The following SPINDOC variants were observed in gnomAD, a reference collection of about 807,000 sequenced individuals.
SPINDOC encodes spindlin interactor and repressor of chromatin binding, also known as spindlin interactor and repressor of chromatin-binding protein.
Under a neutral mutation model 30.7 loss-of-function variants are expected in SPINDOC, and 13 were observed. The observed-to-expected ratio is 0.42, with a 90% CI of 0.28 to 0.67. SPINDOC has a LOEUF of 0.67. SPINDOC is among the 30% of genes least tolerant of loss of function. The pLI, the probability that SPINDOC is intolerant of heterozygous loss-of-function variation, is 0.22. For missense variants in SPINDOC, 438 were observed against 518.0 expected, an observed-to-expected ratio of 0.85 and a Z score of 1.50; for synonymous variants, 228 against 211.4, an observed-to-expected ratio of 1.08 and a Z score of -0.68.
At chr11:63,822,356 TAAAAAAAAAAA>T (rs753315518) in intron 5 of SPINDOC, among the ~76,000 whole-genome samples, 3 of 58,824 alleles carry the variant, frequency 5.1e-5, no homozygotes, top group East Asian at 9.8e-4. Flanking sequence ...CTAGACTGTC[TAAAAAAAAAAA>T]AAAAAAAAAA....
At chr11:63,820,876 C>T (rs1284003316) in intron 5 of SPINDOC, among the ~76,000 whole-genome samples, 2 of 114,368 alleles carry the variant, frequency 1.7e-5, no homozygotes, top group Admixed American at 1.1e-4. Flanking sequence ...GGCGACAGAG[C>T]GAAACTCCGT....
Position 63,813,784 on chromosome 11 carries a change from T to A in SPINDOC, c.98T>A (p.Val33Glu). ...GAGGAGGAGGCCATGGTGGTGGCCG[T>A]AATTCCGCGGCCCGAGCCGATGCTC... is the stretch of plus-strand genomic sequence containing the variant. ...EDEEEAMVVAVIPRPEPMLRV... is the reference protein window; with the variant it reads ...EDEEEAMVVAEIPRPEPMLRV... Residue 33 changes from valine (V) to glutamate (E), a missense_variant, in exon 1 of 6, where the codon GTA becomes GAA. Val to Glu is a moderately radical substitution (Grantham distance 121, BLOSUM62 -2). Around this residue, in one of 3 missense-constraint regions of SPINDOC, gnomAD observed 129 missense variants for 152.7 expected, o/e 0.84. Transcript: ENST00000294244. 6.3e-7 allele frequency: 1 copy of A among 1,586,520 alleles called. No individual in the cohort carries two copies. Among genetic ancestry groups the A allele is most frequent in the Non-Finnish European group, 8.6e-7 (1 of 1,167,582 alleles).
At chr11:63,820,781 A>G (rs1046940538) in intron 5 of SPINDOC, among the ~76,000 whole-genome samples, 1 of 148,724 alleles carries the variant, frequency 6.7e-6, no homozygotes, top group Non-Finnish European at 1.5e-5. Context: ...TCCCAGCTAC[A>G]CGGGAGGCTG....
intron 1 of SPINDOC, among the ~76,000 whole-genome samples, chr11:63,817,183 TA>T (rs58558221): frequency 1.8e-4 from 26 of 145,226 alleles, no homozygotes; most frequent in African/African-American, 3.3e-4. Flanking sequence ...CCCCATCTTT[TA>T]AAAAAAAAAT....
intron 1 of SPINDOC, among the ~76,000 whole-genome samples, chr11:63,814,868 A>G (rs1392074188): frequency 1.3e-5 from 2 of 152,228 alleles, no homozygotes; most frequent in Admixed American, 1.3e-4. Flanking sequence ...AGGCTGTCTC[A>G]GTTAATCCTC....
rs752541962 is a variant in SPINDOC at position 63,813,702 on chromosome 11, G to A, written c.16G>A (p.Glu6Lys). The change falls in exon 1 of 6, where the codon GAG (glutamate) becomes AAG (lysine). Residue 6 changes from glutamate (E) to lysine (K), a missense_variant. This residue lies in a region of SPINDOC where 129 missense variants were observed against 152.7 expected (regional missense o/e 0.84). Coordinates refer to ENST00000294244, the MANE Select transcript of SPINDOC (RefSeq NM_138471.3). MALKA[E>K]GAALDCFEVT... ...CGGCCGCACCATGGCCCTAAAGGCC[G>A]AGGGCGCCGCACTCGACTGCTTCGA... 4 of 1,580,420 alleles carry A rather than the reference G, an allele frequency of 2.5e-6. No individual in the cohort carries two copies. Among genetic ancestry groups the A allele is most frequent in the Non-Finnish European group, 3.4e-6 (4 of 1,166,332 alleles).
intron 5 of SPINDOC, among the ~76,000 whole-genome samples, chr11:63,819,739 C>A (rs1287131820): frequency 1.3e-5 from 2 of 152,334 alleles, no homozygotes; most frequent in South Asian, 4.1e-4. Context: ...TCAGGTGATC[C>A]ACCTGCCTCA....
intron 5 of SPINDOC, among the ~76,000 whole-genome samples, chr11:63,823,656 C>T (rs1004683907): frequency 2.0e-5 from 3 of 148,140 alleles, no homozygotes; most frequent in African/African-American, 5.0e-5. Flanking sequence ...AGTGCAGTGG[C>T]GTGATCTTGG....
chr11:63,820,232 T>C (rs2015472861), intron 5 of SPINDOC, among the ~76,000 whole-genome samples: 1 of 150,174 alleles, frequency 6.7e-6, no homozygotes, highest in Admixed American at 6.6e-5. Context: ...ACCTCATCTC[T>C]ACTAAAAATA....
chr11:63,814,989 T>C (rs1239847578), intron 1 of SPINDOC, among the ~76,000 whole-genome samples: 1 of 141,114 alleles, frequency 7.1e-6, no homozygotes, highest in African/African-American at 3.1e-5. Context: ...GGCTAGTGTT[T>C]TTAGGCTGGG....
chr11:63,822,595 C>T (rs1482395650), intron 5 of SPINDOC: 2 of 1,288,918 alleles, frequency 1.6e-6, no homozygotes, highest in Non-Finnish European at 2.0e-6. Flanking sequence ...GCAGGCCTCA[C>T]CCCTTCACGT....
chr11:63,817,987 G>A lies in SPINDOC; in HGVS notation c.310G>A (p.Asp104Asn), dbSNP rs369047801. The change falls in exon 2 of 6, where the codon GAC becomes AAC. Residue 104 changes from aspartate to asparagine, a missense_variant. Transcript: ENST00000294244. ...CGAEIRAPSA[D>N]TARSHILEQH... ...CGCTGAGATCCGGGCACCCTCGGCC[G>A]ACACAGCTCGCTCGCACATCTTGGA... 4.3e-5 allele frequency: 69 copies of A among 1,614,050 alleles called. No homozygotes were observed. Among genetic ancestry groups the A allele is most frequent in the Middle Eastern group, 1.6e-4 (1 of 6,084 alleles).
chr11:63,821,751 G>T (rs1301161462), intron 5 of SPINDOC, among the ~76,000 whole-genome samples: 2 of 152,140 alleles, frequency 1.3e-5, no homozygotes, highest in Admixed American at 6.5e-5. Flanking sequence ...CAAAAAGCAG[G>T]TGTGCTTTTG....
intron 5 of SPINDOC, among the ~76,000 whole-genome samples, chr11:63,825,143 G>T (rs1455591494): frequency 6.6e-6 from 1 of 152,154 alleles, no homozygotes; most frequent in Non-Finnish European, 1.5e-5. Context: ...GTCAGATCCA[G>T]TCACTCCTCT....
intron 5 of SPINDOC, chr11:63,823,129 G>A: frequency 7.8e-7 from 1 of 1,288,494 alleles, no homozygotes; most frequent in African/African-American, 1.5e-5. Context: ...AAAATTCTGT[G>A]TCCAGGTATA....
At chr11:63,822,219 T>C (rs1428478890) in intron 5 of SPINDOC, among the ~76,000 whole-genome samples, 3 of 151,886 alleles carry the variant, frequency 2.0e-5, no homozygotes, top group Non-Finnish European at 1.5e-5. Context: ...GGTGTGCACC[T>C]CTAGTCCCTA....
chr11:63,819,355 C>T (rs2015446097), intron 5 of SPINDOC, among the ~76,000 whole-genome samples: 1 of 152,224 alleles, frequency 6.6e-6, no homozygotes, highest in East Asian at 1.9e-4. Context: ...GGATTACAGG[C>T]GTGCGCCACC....
chr11:63,822,356 T>TAAAAAAA (rs753315518), intron 5 of SPINDOC, among the ~76,000 whole-genome samples: 8 of 58,818 alleles, frequency 1.4e-4, no homozygotes, highest in African/African-American at 3.3e-4. Flanking sequence ...CTAGACTGTC[T>TAAAAAAA]AAAAAAAAAA....
intron 5 of SPINDOC, chr11:63,823,460 TC>T: frequency 1.7e-6 from 1 of 587,688 alleles, no homozygotes; most frequent in Non-Finnish European, 2.5e-6. Flanking sequence ...TGTGAGGTAG[TC>T]CAGGAAGACT....
Sources: gnomAD v4.1 joint callset for allele counts (sites outside exome capture counted in the v4.1 genomes callset) on GRCh38, gnomAD v4.1.1 for gene constraint, gnomAD v4.1.1 regional missense constraint, MANE v1.5 for transcripts, NCBI Gene and HGNC (gene_info 2026-07-23, HGNC 2026-07-21) for gene names.